DMD: variants seen among roughly 807,000 people sequenced by gnomAD.
DMD encodes the protein mutant dystrophin.
A neutral mutation model predicts 330.1 loss-of-function variants in DMD; 63 were observed. That is an observed-to-expected ratio of 0.19 (90% CI 0.16 to 0.24). The LOEUF is 0.24. DMD is among the 10% of genes least tolerant of loss of function. The pLI, the probability that DMD is intolerant of heterozygous loss-of-function variation, is 1.00. For synonymous variants in DMD, 1,223 were observed against 959.8 expected, an observed-to-expected ratio of 1.27 and a Z score of -5.07; for missense variants, 3,344 against 2,684.1, an observed-to-expected ratio of 1.25 and a Z score of -5.43.
intron 1 of DMD, among the ~76,000 whole-genome samples, chrX:33,117,489 C>T (rs969613111): frequency 9.0e-6 from 1 of 111,462 alleles, no homozygotes; most frequent in African/African-American, 3.3e-5. Flanking sequence ...TATACCCAAT[C>T]GCCATTTGTC....
intron 77 of DMD, among the ~76,000 whole-genome samples, chrX:31,130,894 G>A (rs185073902): frequency 9.8e-5 from 11 of 112,179 alleles, no homozygotes; most frequent in African/African-American, 3.6e-4. Flanking sequence ...TTTATGAAGA[G>A]CATAAGTTTT....
chrX:31,435,316 T>A (rs2064431433), intron 60 of DMD, among the ~76,000 whole-genome samples: 1 of 111,712 alleles, frequency 9.0e-6, no homozygotes, highest in African/African-American at 3.2e-5. Context: ...ATGACTACAT[T>A]GATTGTCTGA....
chrX:32,143,706 C>A (rs988738845), intron 44 of DMD, among the ~76,000 whole-genome samples: 2 of 104,233 alleles, frequency 1.9e-5, no homozygotes, highest in Non-Finnish European at 3.9e-5. Context: ...CCACGCATGG[C>A]TAATTTTTTT....
chrX:33,214,050 CTT>C (rs5902060), upstream of DMD, among the ~76,000 whole-genome samples: 601 of 88,940 alleles, frequency 6.8e-3, 2 homozygotes, highest in African/African-American at 8.4e-3. Flanking sequence ...TTGAGATTGG[CTT>C]TTTTTTTTTT....
intron 18 of DMD, among the ~76,000 whole-genome samples, chrX:32,515,603 C>T (rs912324544): frequency 3.6e-5 from 4 of 111,443 alleles, no homozygotes; most frequent in African/African-American, 1.3e-4. Flanking sequence ...GGAAAAAATT[C>T]GAGTTGTTAG....
intron 44 of DMD, among the ~76,000 whole-genome samples, chrX:32,215,227 G>A (rs372447031): frequency 9.0e-6 from 1 of 111,409 alleles, no homozygotes; most frequent in East Asian, 2.8e-4. Flanking sequence ...TAACATCAGT[G>A]AGTAGTGGGG....
chrX:32,200,544 T>C (rs1298125706), intron 44 of DMD, among the ~76,000 whole-genome samples: 2 of 111,265 alleles, frequency 1.8e-5, no homozygotes, highest in Admixed American at 1.9e-4. Flanking sequence ...ACATGTCACA[T>C]GTAACAATCA....
At chrX:33,010,717 A>G (rs938122647) in intron 2 of DMD, among the ~76,000 whole-genome samples, 2 of 111,447 alleles carry the variant, frequency 1.8e-5, no homozygotes, top group African/African-American at 6.5e-5. Flanking sequence ...TAAATCAAGT[A>G]CTTGCATTGA....
At chrX:31,723,884 C>G (rs2085792046) in intron 52 of DMD, among the ~76,000 whole-genome samples, 1 of 111,792 alleles carries the variant, frequency 8.9e-6, no homozygotes, top group Non-Finnish European at 1.9e-5. Context: ...TTTTGTAATA[C>G]TGCTCTACTG....
At chrX:32,169,306 A>G (rs1384126853) in intron 44 of DMD, among the ~76,000 whole-genome samples, 1 of 111,759 alleles carries the variant, frequency 8.9e-6, no homozygotes. Flanking sequence ...AATTGCCTAG[A>G]CAAGATAAGT....
chrX:32,864,002 CAA>C (rs1417387928), intron 2 of DMD, among the ~76,000 whole-genome samples: 1 of 112,358 alleles, frequency 8.9e-6, no homozygotes, highest in African/African-American at 3.2e-5. Context: ...GATCTTCTGT[CAA>C]AAGTCACAGA....
intron 48 of DMD, among the ~76,000 whole-genome samples, chrX:31,864,066 A>T (rs1192044238): frequency 7.2e-5 from 8 of 111,287 alleles, no homozygotes; most frequent in Non-Finnish European, 1.3e-4. Flanking sequence ...TTAAAATGTC[A>T]ATATTTACTG....
chrX:31,259,109 T>C (rs2050259769), intron 63 of DMD, among the ~76,000 whole-genome samples: 1 of 112,080 alleles, frequency 8.9e-6, no homozygotes, highest in Non-Finnish European at 1.9e-5. Context: ...CCTGTCTATA[T>C]TTTTAAACTT....
At chrX:31,205,873 T>C (rs1182654279) in intron 66 of DMD, among the ~76,000 whole-genome samples, 2 of 112,388 alleles carry the variant, frequency 1.8e-5, no homozygotes, top group Non-Finnish European at 3.8e-5. Context: ...ATTTGTTTAA[T>C]ATTCCTACTG....
intron 44 of DMD, among the ~76,000 whole-genome samples, chrX:32,059,317 A>G (rs2096205839): frequency 9.0e-6 from 1 of 111,427 alleles, no homozygotes; most frequent in Admixed American, 9.6e-5. Context: ...AATGAACTTA[A>G]TCATTGAATG....
Position 32,221,776 on chromosome X carries a change from G to A in DMD, c.6291-4713C>T, listed in dbSNP as rs372168165. ...CTGTCTGCCTTTGTGTACCTACAGC[G>A]TAGCTCCCACTTATAAGTGAGAACA... On this transcript the variant is annotated intron_variant, in intron 43 of 78. Coordinates refer to ENST00000357033, the MANE Select transcript of DMD (RefSeq NM_004006.3). 7.0e-4 allele frequency among the ~76,000 whole-genome samples: 78 copies of A among 111,526 alleles called. 6 individuals are homozygous for A. The highest frequency in any genetic ancestry group is 4.1e-3 in the Admixed American group (43 of 10,459).
At chrX:31,124,740 C>T (rs2033382297) in intron 78 of DMD, among the ~76,000 whole-genome samples, 1 of 112,037 alleles carries the variant, frequency 8.9e-6, no homozygotes, top group African/African-American at 3.2e-5. Context: ...TAGTCTCACA[C>T]GTCACCACTG....
intron 53 of DMD, among the ~76,000 whole-genome samples, chrX:31,659,908 G>C (rs2081030668): frequency 9.0e-6 from 1 of 111,047 alleles, no homozygotes; most frequent in African/African-American, 3.3e-5. Flanking sequence ...AATCATTTTT[G>C]TTTTAATATT....
chrX:32,673,569 C>T (rs193054580), intron 9 of DMD, among the ~76,000 whole-genome samples: 138 of 111,840 alleles, frequency 1.2e-3, no homozygotes, highest in African/African-American at 4.0e-3. Context: ...TACTCCAAAT[C>T]GAATGTTTGT....
Sources: allele counts gnomAD v4.1 joint callset (sites outside exome capture counted in the v4.1 genomes callset), GRCh38; gene constraint gnomAD v4.1.1; transcripts MANE v1.5; gene names NCBI Gene and HGNC (gene_info 2026-07-23, HGNC 2026-07-21).